Variants in GREM2 observed in about 807,000 individuals in gnomAD.
GREM2 encodes the protein gremlin 2, DAN family BMP antagonist, also known as gremlin-2.
GREM2 carries 11 observed loss-of-function variants against 14.2 expected under a neutral mutation model. That is an observed-to-expected ratio of 0.78 (90% CI 0.49 to 1.28). The LOEUF (loss-of-function observed/expected upper bound fraction) is 1.28. Among genes scored for constraint, GREM2 ranks in the 50% most tolerant of loss-of-function variants. The probability of loss-of-function intolerance (pLI) is 0.00; values close to 1 mark genes in which losing one functional copy is unlikely to be tolerated. For missense variants in GREM2, 210 were observed against 218.5 expected (o/e 0.96, Z 0.24); for synonymous variants, 98 against 97.6 (o/e 1.00, Z -0.02).
chr1:240,532,147 G>C (rs1019201844), intron 1 of GREM2, among the ~76,000 whole-genome samples: 6 of 151,590 alleles, frequency 4.0e-5, no homozygotes, highest in Admixed American at 4.0e-4. Flanking sequence ...GCAGTGGCAC[G>C]ATCTCGGCTC....
intron 1 of GREM2, among the ~76,000 whole-genome samples, chr1:240,530,133 C>T (rs974841106): frequency 6.6e-6 from 1 of 152,066 alleles, no homozygotes; most frequent in African/African-American, 2.4e-5. Context: ...ATGCTAGTTT[C>T]GTGGAACAAT....
intron 1 of GREM2, among the ~76,000 whole-genome samples, chr1:240,520,251 C>A (rs1255903480): frequency 1.3e-5 from 2 of 152,092 alleles, no homozygotes; most frequent in East Asian, 3.9e-4. Context: ...GCTCTTAAAG[C>A]CTTTGAGCCT....
chr1:240,499,966 C>T (rs1178464599), intron 1 of GREM2, among the ~76,000 whole-genome samples: 1 of 152,196 alleles, frequency 6.6e-6, no homozygotes, highest in African/African-American at 2.4e-5. Context: ...CTATCCAATT[C>T]AATCTTTGCC....
chr1:240,589,331 G>A (rs567060328), intron 1 of GREM2, among the ~76,000 whole-genome samples: 2 of 151,892 alleles, frequency 1.3e-5, no homozygotes, highest in South Asian at 4.2e-4. Context: ...GCTACTCGGG[G>A]GTCTGAGGGA....
intron 1 of GREM2, among the ~76,000 whole-genome samples, chr1:240,513,968 C>CG (rs60210238): frequency 0.6 from 91,074 of 151,830 alleles, 29,180 homozygotes; most frequent in African/African-American, 0.84. Flanking sequence ...AGAAATAGTC[C>CG]GGTGCGGTGG....
chr1:240,522,150 C>CAAAA (rs1191956660), intron 1 of GREM2, among the ~76,000 whole-genome samples: 11 of 143,484 alleles, frequency 7.7e-5, no homozygotes, highest in African/African-American at 2.8e-4. Flanking sequence ...AACAAACAAA[C>CAAAA]AAAAAAAACT....
At chr1:240,575,800 C>G (rs942033725) in intron 1 of GREM2, among the ~76,000 whole-genome samples, 1 of 151,232 alleles carries the variant, frequency 6.6e-6, no homozygotes, top group Non-Finnish European at 1.5e-5. Context: ...GGATTACAGG[C>G]GTGAGCCACC....
chr1:240,591,088 C>A (rs1032211960), intron 1 of GREM2, among the ~76,000 whole-genome samples: 1 of 152,150 alleles, frequency 6.6e-6, no homozygotes, highest in African/African-American at 2.4e-5. Flanking sequence ...CCAGAAATGA[C>A]TTCTTAACTG....
intron 1 of GREM2, among the ~76,000 whole-genome samples, chr1:240,500,793 C>T (rs896779155): frequency 6.6e-6 from 1 of 152,122 alleles, no homozygotes; most frequent in Non-Finnish European, 1.5e-5. Flanking sequence ...TTCACTATTG[C>T]CAATAGTGCT....
chr1:240,587,073 T>A (rs2102860962), intron 1 of GREM2, among the ~76,000 whole-genome samples: 1 of 152,316 alleles, frequency 6.6e-6, no homozygotes, highest in South Asian at 2.1e-4. Context: ...TGGGTCTGAT[T>A]ATTTTTTCCT....
chr1:240,533,034 G>A (rs1678398917), intron 1 of GREM2, among the ~76,000 whole-genome samples: 2 of 152,130 alleles, frequency 1.3e-5, no homozygotes, highest in African/African-American at 4.8e-5. Flanking sequence ...GATACAGAGG[G>A]GACTATGATA....
chr1:240,532,407 C>G (rs959073513), intron 1 of GREM2, among the ~76,000 whole-genome samples: 1 of 152,052 alleles, frequency 6.6e-6, no homozygotes, highest in African/African-American at 2.4e-5. Context: ...TCTTAATTGT[C>G]CCTTCCATCT....
intron 1 of GREM2, among the ~76,000 whole-genome samples, chr1:240,610,652 G>A (rs1680114203): frequency 6.6e-6 from 1 of 152,232 alleles, no homozygotes; most frequent in Non-Finnish European, 1.5e-5. Context: ...ACGGCTGAAT[G>A]GTGAGTCGAT....
At chr1:240,511,521 C>A (rs530763127) in intron 1 of GREM2, among the ~76,000 whole-genome samples, 5 of 152,224 alleles carry the variant, frequency 3.3e-5, no homozygotes, top group East Asian at 1.9e-4. Flanking sequence ...GAAGCCGAGG[C>A]GGGCGGATAA....
intron 1 of GREM2, among the ~76,000 whole-genome samples, chr1:240,572,065 C>T (rs1007458605): frequency 5.3e-5 from 8 of 152,156 alleles, no homozygotes; most frequent in South Asian, 2.1e-4. Flanking sequence ...TGATCCAAGA[C>T]GTAATTGACA....
chr1:240,601,971 G>A (rs1162673417), intron 1 of GREM2, among the ~76,000 whole-genome samples: 1 of 151,200 alleles, frequency 6.6e-6, no homozygotes, highest in African/African-American at 2.4e-5. Flanking sequence ...TATAGTAAGT[G>A]CTCAATAAAT....
At chr1:240,507,523 G>C in intron 1 of GREM2, among the ~76,000 whole-genome samples, 1 of 152,074 alleles carries the variant, frequency 6.6e-6, no homozygotes, top group Non-Finnish European at 1.5e-5. Flanking sequence ...AGTAGAGACA[G>C]GGTTTCACCA....
At position 240,540,312 on chromosome 1, in the gene GREM2, CCTT is replaced by C. The variant is rs1678558581; in HGVS notation, c.-1-46839_-1-46837del. Among the ~76,000 whole-genome samples the C allele has an allele frequency of 6.6e-6, 1 of 152,080 alleles. No individual in the cohort carries two copies. The highest frequency in any genetic ancestry group is 6.5e-5 in the Admixed American group (1 of 15,270). ...GACTAACTTATTGCATTGAAGAGCT[CCTT>C]CTCCAAAAGGGGGCATAAAGGAACA... On this transcript the variant is annotated intron_variant, in intron 1 of 1. Coordinates refer to ENST00000318160, the MANE Select transcript of GREM2 (RefSeq NM_022469.4). This position sits in a 1 kb window ranked among gnomAD's most constrained non-coding sequence, Gnocchi z 4.2.
intron 1 of GREM2, among the ~76,000 whole-genome samples, chr1:240,550,596 C>T (rs1678827873): frequency 6.6e-6 from 1 of 152,112 alleles, no homozygotes; most frequent in African/African-American, 2.4e-5. Context: ...AATGTAGCAT[C>T]AGTTGTTTTG....
Sources: gnomAD v4.1 joint callset for allele counts (sites outside exome capture counted in the v4.1 genomes callset) on GRCh38, gnomAD v4.1.1 for gene constraint, Gnocchi (gnomAD v3.1) non-coding constraint, MANE v1.5 for transcripts, NCBI Gene and HGNC (gene_info 2026-07-23, HGNC 2026-07-21) for gene names.